STIMATE: variants seen among roughly 807,000 people sequenced by gnomAD.
The protein encoded by STIMATE is STIM activating enhancer, also known as store-operated calcium entry regulator STIMATE.
Under a neutral mutation model 36.7 loss-of-function variants are expected in STIMATE, and 15 were observed. The ratio of observed to expected loss-of-function variants is 0.41; its 90% CI spans 0.27 to 0.63. The LOEUF is 0.63. Among genes scored for constraint, STIMATE ranks in the 20% least tolerant of loss-of-function variants. The pLI, the probability that STIMATE is intolerant of heterozygous loss-of-function variation, is 0.32. For missense variants in STIMATE, 305 were observed against 397.3 expected (o/e 0.77, Z 1.98); for synonymous variants, 163 against 162.3 (o/e 1.00, Z -0.03).
At chr3:52,871,775 C>T (rs913092931) in intron 1 of STIMATE, among the ~76,000 whole-genome samples, 1 of 152,172 alleles carries the variant, frequency 6.6e-6, no homozygotes, top group African/African-American at 2.4e-5. Context: ...TCCAACTTCA[C>T]ATTTAAGATC....
chr3:52,875,429 G>T (rs1379242570), intron 1 of STIMATE, among the ~76,000 whole-genome samples: 2 of 152,138 alleles, frequency 1.3e-5, no homozygotes, highest in Admixed American at 1.3e-4. Flanking sequence ...TAATCTCTCT[G>T]CCTCCTAGTC....
At chr3:52,891,924 A>G (rs1187867005) in intron 1 of STIMATE, among the ~76,000 whole-genome samples, 4 of 152,174 alleles carry the variant, frequency 2.6e-5, no homozygotes, top group African/African-American at 9.7e-5. Context: ...TCTCATCTCC[A>G]TAGCCCCAGA....
At chr3:52,859,577 G>A (rs1184713333) in intron 1 of STIMATE, among the ~76,000 whole-genome samples, 4 of 104,426 alleles carry the variant, frequency 3.8e-5, no homozygotes, top group Non-Finnish European at 6.9e-5. Context: ...GTATGTACCC[G>A]TAGTCCCAGC....
chr3:52,894,265 T>C (rs1701829677), intron 1 of STIMATE, among the ~76,000 whole-genome samples: 1 of 152,152 alleles, frequency 6.6e-6, no homozygotes, highest in Admixed American at 6.5e-5. Context: ...CTGGAGCCTC[T>C]AGGAAGCCCG....
intron 2 of STIMATE, 62 bp downstream of exon 2, chr3:52,855,334 A>AAAC: frequency 5.0e-6 from 4 of 799,258 alleles, no homozygotes; most frequent in South Asian, 3.9e-5. Context: ...CCCCACCCCC[A>AAAC]GCCCCAAGAC....
At chr3:52,845,617 C>T (rs1700880969) in intron 4 of STIMATE, among the ~76,000 whole-genome samples, 1 of 152,196 alleles carries the variant, frequency 6.6e-6, no homozygotes, top group Non-Finnish European at 1.5e-5. Context: ...AGGGCTGTGA[C>T]AAAGGTCCAT....
At chr3:52,861,974 T>G (rs1701222268) in intron 1 of STIMATE, among the ~76,000 whole-genome samples, 2 of 152,120 alleles carry the variant, frequency 1.3e-5, no homozygotes. Context: ...TGGGGAGAAG[T>G]TCCCCTCTCA....
chr3:52,882,238 C>T (rs1701617210), intron 1 of STIMATE, among the ~76,000 whole-genome samples: 1 of 152,194 alleles, frequency 6.6e-6, no homozygotes, highest in Admixed American at 6.5e-5. Context: ...CTCCCCAGAG[C>T]AAGGGACCCA....
At chr3:52,853,663 G>A (rs1383533958) in intron 2 of STIMATE, among the ~76,000 whole-genome samples, 1 of 152,206 alleles carries the variant, frequency 6.6e-6, no homozygotes, top group Admixed American at 6.5e-5. Context: ...TCTCCCACCA[G>A]GTCCTGCCCC....
At chr3:52,846,766 G>A (rs527823109) in intron 4 of STIMATE, among the ~76,000 whole-genome samples, 7 of 152,332 alleles carry the variant, frequency 4.6e-5, no homozygotes, top group Admixed American at 2.0e-4. Context: ...ATCTCACGCA[G>A]CCACCGTTGG....
intron 1 of STIMATE, among the ~76,000 whole-genome samples, chr3:52,894,561 C>G (rs1195937126): frequency 6.6e-6 from 1 of 152,036 alleles, no homozygotes; most frequent in Non-Finnish European, 1.5e-5. Context: ...AACAAAGAAA[C>G]AAACAAACAA....
chr3:52,895,782 G>C, intron 1 of STIMATE: 8 of 853,396 alleles, frequency 9.4e-6, no homozygotes, highest in Non-Finnish European at 1.3e-5. Context: ...CCTCAGGTTA[G>C]GGAGCAAAAG....
intron 2 of STIMATE, among the ~76,000 whole-genome samples, chr3:52,853,661 C>G (rs2106671098): frequency 6.6e-6 from 1 of 152,180 alleles, no homozygotes; most frequent in South Asian, 2.1e-4. Context: ...GGTCTCCCAC[C>G]AGGTCCTGCC....
intron 1 of STIMATE, among the ~76,000 whole-genome samples, chr3:52,893,072 T>C (rs1164874371): frequency 6.7e-6 from 1 of 149,790 alleles, no homozygotes; most frequent in Non-Finnish European, 1.5e-5. Context: ...TGTGCATGTA[T>C]GTGTAGGAGG....
In STIMATE at chr3:52,847,669, A is replaced by G. The variant is rs558527237; in HGVS notation, c.427+2123T>C. 37 of 735,222 alleles carry G rather than the reference A, an allele frequency of 5.0e-5. No individual in the cohort carries two copies. In the East Asian group the frequency reaches 2.1e-3, roughly 42 times the overall value. 45.5% of individuals were successfully genotyped at this position (735,222 alleles called of 1,614,324 possible). On this transcript the variant is annotated intron_variant, in intron 4 of 7. Transcript: ENST00000355083. ...CAGGATAACAGGTGTGGGAGGTGGA[A>G]TAACAGCCCCACACAGTTGCCTACA...
chr3:52,890,591 A>G (rs1287114395), intron 1 of STIMATE, among the ~76,000 whole-genome samples: 1 of 152,234 alleles, frequency 6.6e-6, no homozygotes, highest in Non-Finnish European at 1.5e-5. Context: ...CCAAAGTACC[A>G]ACAGTGCCAG....
chr3:52,879,986 A>G (rs548919341), intron 1 of STIMATE, among the ~76,000 whole-genome samples: 12 of 152,354 alleles, frequency 7.9e-5, no homozygotes, highest in African/African-American at 2.9e-4. Context: ...TTGTATCACA[A>G]TGATGTCTTC....
At position 52,840,661 on chromosome 3, in the gene STIMATE, C is replaced by T. The variant is rs1400901790; in HGVS notation, c.769-51G>A. 6 of 1,507,538 alleles carry T rather than the reference C, an allele frequency of 4.0e-6. No individual in the cohort carries two copies. The South Asian group carries it at 5.8e-5, about 15-fold the overall frequency. The allele number at this position is 1,507,538 out of a possible 1,614,324, so 93.4% of individuals were successfully genotyped here. A position where few individuals can be genotyped will look rare whatever the true frequency, so the allele number is the denominator to read the frequency against. On this transcript the variant is annotated intron_variant, in intron 7 of 7. Coordinates refer to ENST00000355083, the MANE Select transcript of STIMATE (RefSeq NM_198563.5). ...GAGTCACCCCCAGCAGGGCCTTCTT[C>T]ATTTGCCCTCCCTGGACCCTGGGCC...
chr3:52,885,192 T>A lies in STIMATE; in HGVS notation c.160+12099A>T, dbSNP rs142586745. Among the ~76,000 whole-genome samples the A allele has an allele frequency of 1.4e-4, 21 of 152,390 alleles. 1 individual carries two copies. The highest frequency in any genetic ancestry group is 4.8e-4 in the African/African-American group (20 of 41,600). On this transcript the variant is annotated intron_variant, in intron 1 of 7. Coordinates refer to ENST00000355083, the MANE Select transcript of STIMATE (RefSeq NM_198563.5). ...TAATGATATTGAGCATCTTTTCATG[T>A]GCTCATTGGCCATTTGTATATCTTT...
Sources: allele counts gnomAD v4.1 joint callset (sites outside exome capture counted in the v4.1 genomes callset), GRCh38; gene constraint gnomAD v4.1.1; transcripts MANE v1.5; gene names NCBI Gene and HGNC (gene_info 2026-07-23, HGNC 2026-07-21).